The following CTTNBP2 variants were observed in gnomAD, a reference collection of about 807,000 sequenced individuals.
CTTNBP2 encodes cortactin-binding protein 2.
In CTTNBP2, 108 loss-of-function variants were observed where a neutral mutation model predicts 156.9. The observed-to-expected ratio is 0.69, with a 90% CI of 0.59 to 0.81. The LOEUF (loss-of-function observed/expected upper bound fraction) is 0.81, where lower values mean the gene tolerates loss of function less well. Ranked by LOEUF, CTTNBP2 falls within the 30% of genes least tolerant of loss-of-function variation. The probability of loss-of-function intolerance (pLI) is 0.00; values close to 1 mark genes in which losing one functional copy is unlikely to be tolerated. For synonymous variants in CTTNBP2, 767 were observed against 751.8 expected (o/e 1.02, Z -0.33); for missense variants, 1,924 against 2,035.4 (o/e 0.95, Z 1.05).
intron 9 of CTTNBP2, among the ~76,000 whole-genome samples, chr7:117,761,759 T>G (rs1004250177): frequency 1.3e-5 from 2 of 152,226 alleles, no homozygotes; most frequent in Non-Finnish European, 2.9e-5. Context: ...AGGTATGTTT[T>G]TTTCAAACAA....
At chr7:117,859,010 C>A (rs966612748) in intron 2 of CTTNBP2, among the ~76,000 whole-genome samples, 1 of 152,064 alleles carries the variant, frequency 6.6e-6, no homozygotes, top group Non-Finnish European at 1.5e-5. Context: ...TGTTTTATCA[C>A]GTCTTTCAGT....
intron 19 of CTTNBP2, among the ~76,000 whole-genome samples, chr7:117,721,568 G>A (rs927292447): frequency 1.3e-5 from 2 of 152,192 alleles, no homozygotes; most frequent in Admixed American, 6.5e-5. Context: ...ATGTAATCAA[G>A]TATAGTTTTT....
rs1794055058 is a variant in CTTNBP2, at chr7:117,711,559, T to C, written c.4970A>G (p.His1657Arg). 2 of 1,613,190 alleles carry C rather than the reference T, an allele frequency of 1.2e-6. No individual in the cohort carries two copies. Among genetic ancestry groups the C allele is most frequent in the Admixed American group, 1.7e-5 (1 of 59,784 alleles). Reference sequence around the variant, plus strand: ...GGCCTATTTGTTAGGTTTTTCTAGGTGTTCATTTTTGTGTAAGTTCCAATT... The same window carrying C: ...GGCCTATTTGTTAGGTTTTTCTAGGCGTTCATTTTTGTGTAAGTTCCAATT... The part of the protein sequence containing the change: ...EVNWNLHKNE[H>R]LEKPNK Residue 1657 changes from histidine to arginine, a missense_variant, in exon 23 of 23, where the codon CAC becomes CGC. His to Arg is a conservative substitution (Grantham distance 29, BLOSUM62 0). Coordinates refer to ENST00000160373, the MANE Select transcript of CTTNBP2 (RefSeq NM_033427.3).
chr7:117,741,168 G>A (rs1273764272), intron 14 of CTTNBP2, among the ~76,000 whole-genome samples: 3 of 152,140 alleles, frequency 2.0e-5, no homozygotes, highest in Non-Finnish European at 4.4e-5. Flanking sequence ...TAATGATGAG[G>A]CCTCTACAAT....
chr7:117,860,430 C>T (rs949376249), intron 2 of CTTNBP2, among the ~76,000 whole-genome samples: 1 of 151,964 alleles, frequency 6.6e-6, no homozygotes, highest in African/African-American at 2.4e-5. Flanking sequence ...GCAAGCTCCA[C>T]CTCCCGAGTT....
In CTTNBP2 at chr7:117,783,934, T is replaced by C. The variant is rs1311806777; in HGVS notation, c.2272+317A>G. On this transcript the variant is annotated intron_variant, in intron 5 of 22. Coordinates refer to ENST00000160373, the MANE Select transcript of CTTNBP2 (RefSeq NM_033427.3). ...TAAAACTTTCCCTCACTGTAGCATGTAGCACTAAAGTTCTGATAATTAGAC... is the reference window on the plus strand; with the variant it reads ...TAAAACTTTCCCTCACTGTAGCATGCAGCACTAAAGTTCTGATAATTAGAC... Among the ~76,000 whole-genome samples, 6 of 152,210 alleles carry C rather than the reference T, an allele frequency of 3.9e-5. No homozygotes were observed. In the South Asian group the frequency reaches 6.2e-4, roughly 16 times the overall value.
rs1795211718 is a variant in CTTNBP2, at chr7:117,728,250, G to A, written c.3894C>T (p.Pro1298=). Residue 1298 remains proline (P), a synonymous_variant, in exon 17 of 23, where the codon CCC becomes CCT. Transcript: ENST00000160373. ...TCTTGCACACAGGATCGCAGGGGGA[G>A]GGCGCCTGACCTTTGAACTAGAGAG... is the stretch of plus-strand genomic sequence containing the variant. ...KVVNKFKGQA[P]SPCDPVCKIV... 6.2e-7 allele frequency: 1 copy of A among 1,613,578 alleles called. No homozygotes were observed. Among genetic ancestry groups the A allele is most frequent in the East Asian group, 2.2e-5 (1 of 44,858 alleles).
At chr7:117,747,942 G>C (rs1356034263) in intron 12 of CTTNBP2, among the ~76,000 whole-genome samples, 1 of 152,092 alleles carries the variant, frequency 6.6e-6, no homozygotes, top group African/African-American at 2.4e-5. Context: ...CTTGGGACTG[G>C]GTTTTAGGCT....
chr7:117,859,686 C>T (rs1803581589), intron 2 of CTTNBP2, among the ~76,000 whole-genome samples: 1 of 152,132 alleles, frequency 6.6e-6, no homozygotes, highest in Admixed American at 6.6e-5. Context: ...TTTACATTTG[C>T]CAGCAATACA....
At chr7:117,739,386 T>C (rs1051457312) in intron 14 of CTTNBP2, among the ~76,000 whole-genome samples, 1 of 152,188 alleles carries the variant, frequency 6.6e-6, no homozygotes, top group Non-Finnish European at 1.5e-5. Flanking sequence ...GCCATTTGAA[T>C]TCCCTTTGCT....
chr7:117,778,241 A>T (rs1355497954), intron 7 of CTTNBP2, among the ~76,000 whole-genome samples: 1 of 152,218 alleles, frequency 6.6e-6, no homozygotes, highest in East Asian at 1.9e-4. Flanking sequence ...CAACCACCCC[A>T]GAAGCAAAGA....
At chr7:117,749,878 CTG>C (rs1332562970) in intron 12 of CTTNBP2, among the ~76,000 whole-genome samples, 3 of 152,024 alleles carry the variant, frequency 2.0e-5, no homozygotes, top group Non-Finnish European at 4.4e-5. Context: ...TTTTCTGTGA[CTG>C]AGGTTTTGTC....
intron 9 of CTTNBP2, among the ~76,000 whole-genome samples, chr7:117,764,077 T>C (rs1205151034): frequency 6.6e-6 from 1 of 152,148 alleles, no homozygotes; most frequent in African/African-American, 2.4e-5. Context: ...TGTGACTCCC[T>C]GGCTTGTTCA....
chr7:117,720,702 GA>G (rs1414816729), intron 20 of CTTNBP2, among the ~76,000 whole-genome samples: 1 of 151,942 alleles, frequency 6.6e-6, no homozygotes, highest in East Asian at 1.9e-4. Context: ...CCAAAAAAAA[GA>G]AAAAAGTCAT....
At chr7:117,788,226 C>T (rs572944939) in intron 4 of CTTNBP2, among the ~76,000 whole-genome samples, 153 of 152,306 alleles carry the variant, frequency 1.0e-3, no homozygotes, top group African/African-American at 3.5e-3. Flanking sequence ...CCTCCTGCCT[C>T]GGCCTCCCAA....
chr7:117,747,102 T>C (rs1382899589), intron 12 of CTTNBP2, among the ~76,000 whole-genome samples: 1 of 152,180 alleles, frequency 6.6e-6, no homozygotes, highest in East Asian at 1.9e-4. Context: ...TGCAGCAAGG[T>C]CTTGCCGGAA....
intron 8 of CTTNBP2, among the ~76,000 whole-genome samples, chr7:117,772,595 T>C (rs1409603860): frequency 1.3e-5 from 2 of 152,130 alleles, no homozygotes; most frequent in East Asian, 3.9e-4. Flanking sequence ...TGTTAATAAT[T>C]ACACTGGGAT....
In CTTNBP2 at chr7:117,858,093, G is replaced by A. The variant is rs150632720; in HGVS notation, c.189+3116C>T. ...AAAGCTTCAGGAATCTCCATAGGTCGGGCGCGGTGGCTCACGCCTGTAATC... is the reference window on the plus strand; with the variant it reads ...AAAGCTTCAGGAATCTCCATAGGTCAGGCGCGGTGGCTCACGCCTGTAATC... On this transcript the variant is annotated intron_variant, in intron 2 of 22. Coordinates refer to ENST00000160373, the MANE Select transcript of CTTNBP2 (RefSeq NM_033427.3). Among the ~76,000 whole-genome samples, 1,076 of 152,246 alleles carry A rather than the reference G, an allele frequency of 7.1e-3. 10 individuals carry two copies. The highest frequency in any genetic ancestry group is 0.023 in the African/African-American group (960 of 41,546).
intron 22 of CTTNBP2, among the ~76,000 whole-genome samples, chr7:117,717,280 G>T (rs774956019): frequency 3.9e-5 from 6 of 151,992 alleles, no homozygotes; most frequent in African/African-American, 1.5e-4. Context: ...TCATTGAAAT[G>T]TAATGCATGT....
Sources: allele counts gnomAD v4.1 joint callset (sites outside exome capture counted in the v4.1 genomes callset), GRCh38; gene constraint gnomAD v4.1.1; transcripts MANE v1.5; gene names NCBI Gene and HGNC (gene_info 2026-07-23, HGNC 2026-07-21).